The following IRGM variants were observed in gnomAD, a reference collection of about 807,000 sequenced individuals.
IRGM encodes the protein immunity-related GTPase family M protein.
For synonymous variants in IRGM, 98 were observed against 80.6 expected (o/e 1.22, Z -1.16); for missense variants, 288 against 219.9 (o/e 1.31, Z -1.96).
In IRGM at chr5:150,898,790, TGGGA is replaced by T. The variant is rs968632707; in HGVS notation, c.*141-1796_*141-1793del. On this transcript the variant is annotated intron_variant and NMD_transcript_variant, in intron 3 of 3. Transcript: ENST00000520549. ...ATTTTAAAGGCAGCATCCAAATAACTGGGAGGAAGATGGATTATTGGATGAATCG... is the reference window on the plus strand; with the variant it reads ...ATTTTAAAGGCAGCATCCAAATAACTGGAAGATGGATTATTGGATGAATCG... Among the ~76,000 whole-genome samples, 19 of 151,960 alleles carry T rather than the reference TGGGA, an allele frequency of 1.3e-4. 1 individual carries two copies. Among genetic ancestry groups the T allele is most frequent in the Admixed American group, 5.3e-4 (8 of 15,222 alleles).
chr5:150,858,513 G>A (rs1200366447), intron 1 of IRGM, among the ~76,000 whole-genome samples: 1 of 152,122 alleles, frequency 6.6e-6, no homozygotes, highest in Non-Finnish European at 1.5e-5. Context: ...CAATTACCTT[G>A]GGCAGTATGG....
At chr5:150,898,167 G>T (rs1754864372) in intron 3 of IRGM, 2 of 1,613,244 alleles carry the variant, frequency 1.2e-6, no homozygotes, top group African/African-American at 1.3e-5. Flanking sequence ...ATGACATCTG[G>T]TTTGGAAACT....
At chr5:150,879,160 A>C (rs573697112) in intron 2 of IRGM, among the ~76,000 whole-genome samples, 1 of 152,316 alleles carries the variant, frequency 6.6e-6, no homozygotes, top group South Asian at 2.1e-4. Flanking sequence ...ATGCATAAGA[A>C]AAGGTAATGA....
intron 3 of IRGM, among the ~76,000 whole-genome samples, chr5:150,898,985 G>A (rs1034209761): frequency 6.6e-6 from 1 of 152,022 alleles, no homozygotes; most frequent in East Asian, 1.9e-4. Context: ...GCCATATGAG[G>A]TATTTAGGGT....
intron 1 of IRGM, among the ~76,000 whole-genome samples, chr5:150,863,210 G>A (rs1754161064): frequency 6.6e-6 from 1 of 152,170 alleles, no homozygotes; most frequent in Non-Finnish European, 1.5e-5. Flanking sequence ...GCAGAACAGA[G>A]CACAGGAATA....
intron 3 of IRGM, chr5:150,895,600 T>A: frequency 6.2e-7 from 1 of 1,613,526 alleles, no homozygotes; most frequent in Non-Finnish European, 8.5e-7. Context: ...ATGTAAGGTT[T>A]CTCTCCTGTA....
Position 150,897,941 on chromosome 5 carries a change from C to G in IRGM, c.*141-2648C>G, listed in dbSNP as rs1044151899. 2.5e-6 allele frequency: 3 copies of G among 1,217,206 alleles called. No individual in the cohort carries two copies. In the African/African-American group the frequency reaches 4.6e-5, roughly 19 times the overall value. 75.4% of individuals were successfully genotyped at this position (1,217,206 alleles called of 1,614,324 possible). The stretch of plus-strand genomic sequence containing the variant: ...ACTCCTCTGAAAGGCTTCACAATTA[C>G]TTGTTGAGTGACTACTAAATTCTCA... On this transcript the variant is annotated intron_variant and NMD_transcript_variant, in intron 3 of 3. Transcript: ENST00000520549.
rs1191754275 is a variant in IRGM at position 150,846,753 on chromosome 5, T to TG, written c.-882dup. ...AGCTGTAACTCTCACTTCGAAGGTC[T>TG]GCAGCTTCGCTCCTGAGTCAGTGAA... On this transcript the variant is annotated 5_prime_UTR_variant, in exon 1 of 2. Coordinates refer to ENST00000522154, the MANE Select transcript of IRGM (RefSeq NM_001145805.2). 3 of 152,848 alleles carry TG rather than the reference T, an allele frequency of 2.0e-5. No individual in the cohort carries two copies. The highest frequency in any genetic ancestry group is 2.0e-4 in the Admixed American group (3 of 15,294). 9.5% of individuals were successfully genotyped at this position (152,848 alleles called of 1,614,324 possible). A position where few individuals can be genotyped will look rare whatever the true frequency, so the allele number is the denominator to read the frequency against.
chr5:150,898,234 A>T, intron 3 of IRGM: 1 of 1,607,888 alleles, frequency 6.2e-7, no homozygotes, highest in Non-Finnish European at 8.5e-7. Flanking sequence ...CTGAAGGAAA[A>T]AGAGAAGGTG....
intron 3 of IRGM, among the ~76,000 whole-genome samples, chr5:150,888,982 TTTA>T (rs1754566657): frequency 6.6e-6 from 1 of 152,094 alleles, no homozygotes; most frequent in South Asian, 2.1e-4. Flanking sequence ...TGTCACATAT[TTTA>T]TTATGTCTAT....
chr5:150,862,976 G>C (rs1477352581), intron 1 of IRGM, among the ~76,000 whole-genome samples: 1 of 152,020 alleles, frequency 6.6e-6, no homozygotes, highest in Non-Finnish European at 1.5e-5. Context: ...ACCTTTCAGG[G>C]GCAGAAGAAG....
chr5:150,899,671 T>A (rs1754925308), intron 3 of IRGM, among the ~76,000 whole-genome samples: 1 of 152,000 alleles, frequency 6.6e-6, no homozygotes, highest in Non-Finnish European at 1.5e-5. Context: ...AACAAATTAG[T>A]GACATAACAT....
At chr5:150,860,207 T>C (rs991007975) in intron 1 of IRGM, among the ~76,000 whole-genome samples, 1 of 152,224 alleles carries the variant, frequency 6.6e-6, no homozygotes, top group Non-Finnish European at 1.5e-5. Flanking sequence ...CTTATAAAGT[T>C]CATACAAGAA....
downstream of IRGM, among the ~76,000 whole-genome samples, chr5:150,849,261 C>CG (rs570053445): frequency 5.7e-3 from 872 of 152,284 alleles, 9 homozygotes; most frequent in African/African-American, 0.02. Flanking sequence ...TTATCCAGAG[C>CG]ATGAGTAAAA....
intron 1 of IRGM, among the ~76,000 whole-genome samples, chr5:150,857,772 G>C (rs1173096080): frequency 6.6e-6 from 1 of 152,014 alleles, no homozygotes; most frequent in Non-Finnish European, 1.5e-5. Flanking sequence ...TTTTTGATGG[G>C]GTTGTTTGTT....
rs144229090 is a variant in IRGM, at chr5:150,878,254, T to G, written c.*78+140T>G. ...CAAATAGTGATCCCAACTTCCTGAC[T>G]CAGCTTCCTGATCTGTAAAATGGGA... On this transcript the variant is annotated intron_variant and NMD_transcript_variant, in intron 2 of 3. Coordinates refer to the IRGM transcript ENST00000520549. 596 of 321,802 alleles carry G rather than the reference T, an allele frequency of 1.9e-3. 5 individuals carry two copies. The highest frequency in any genetic ancestry group is 0.012 in the African/African-American group (560 of 45,158). 19.9% of individuals were successfully genotyped at this position (321,802 alleles called of 1,614,324 possible).
intron 1 of IRGM, among the ~76,000 whole-genome samples, chr5:150,870,794 T>A (rs1423956231): frequency 6.6e-6 from 1 of 152,160 alleles, no homozygotes; most frequent in Non-Finnish European, 1.5e-5. Flanking sequence ...TCAGTAATCA[T>A]ATAAGTTACG....
chr5:150,896,316 T>C, intron 3 of IRGM: 1 of 1,613,658 alleles, frequency 6.2e-7, no homozygotes, highest in Non-Finnish European at 8.5e-7. Context: ...ATGAAACTTC[T>C]CACTGAAGGC....
chr5:150,878,920 T>C (rs7736873), intron 2 of IRGM, among the ~76,000 whole-genome samples: 31,760 of 151,944 alleles, frequency 0.21, 5,365 homozygotes, highest in African/African-American at 0.45. Flanking sequence ...AAAGTTTACT[T>C]TTTACAAGAG....
Sources: gnomAD v4.1 joint callset for allele counts (sites outside exome capture counted in the v4.1 genomes callset) on GRCh38, gnomAD v4.1.1 for gene constraint, MANE v1.5 for transcripts, NCBI Gene and HGNC (gene_info 2026-07-23, HGNC 2026-07-21) for gene names.